Variants in PRKX observed in about 807,000 individuals in gnomAD.
PRKX encodes the protein cAMP-dependent protein kinase catalytic subunit PRKX.
A neutral mutation model predicts 22.0 loss-of-function variants in PRKX; 12 were observed. The ratio of observed to expected loss-of-function variants is 0.54; its 90% confidence interval spans 0.35 to 0.88. PRKX has a LOEUF of 0.88. Among genes scored for constraint, PRKX ranks in the 40% least tolerant of loss-of-function variants. PRKX has a pLI of 0.01. For missense variants in PRKX, 217 were observed against 308.0 expected, an observed-to-expected ratio of 0.70 and a Z score of 2.21; for synonymous variants, 134 against 137.7, an observed-to-expected ratio of 0.97 and a Z score of 0.19.
At chrX:3,637,297 C>T (rs1926912129) in intron 4 of PRKX, among the ~76,000 whole-genome samples, 2 of 111,447 alleles carry the variant, frequency 1.8e-5, no homozygotes, top group Admixed American at 1.9e-4. Flanking sequence ...GTCTCAGAAC[C>T]TCATATGATA....
intron 1 of PRKX, among the ~76,000 whole-genome samples, chrX:3,689,797 G>A (rs917501995): frequency 2.2e-4 from 25 of 111,564 alleles, no homozygotes; most frequent in Non-Finnish European, 4.3e-4. Context: ...CTAACACGGT[G>A]AAACCCTGTC....
At position 3,604,730 on chromosome X, in the gene PRKX, C is replaced by G. The variant is rs1926124775; in HGVS notation, c.*4239G>C. 1 of 112,026 alleles carries G rather than the reference C, an allele frequency of 8.9e-6. No homozygotes were observed. Among genetic ancestry groups the G allele is most frequent in the Non-Finnish European group, 1.9e-5 (1 of 53,248 alleles). The allele number at this position is 112,026 out of a possible 1,213,427, so 9.2% of individuals were successfully genotyped here. Reference sequence around the variant, plus strand: ...TCAGCTACGACAGTTGAGCAGAGCTCAACAGCCATCTCAGAGCACAAGGAC... The same window carrying G: ...TCAGCTACGACAGTTGAGCAGAGCTGAACAGCCATCTCAGAGCACAAGGAC... On this transcript the variant is annotated 3_prime_UTR_variant, in exon 9 of 9. Coordinates refer to ENST00000262848, the MANE Select transcript of PRKX (RefSeq NM_005044.5).
chrX:3,709,173 G>C (rs1338685183), intron 1 of PRKX, among the ~76,000 whole-genome samples: 1 of 73,067 alleles, frequency 1.4e-5, no homozygotes, highest in Non-Finnish European at 2.3e-5. Context: ...AACAGAGTGA[G>C]ACCCTGTCTC....
At chrX:3,620,925 G>A (rs1454446777) in intron 6 of PRKX, among the ~76,000 whole-genome samples, 11 of 111,180 alleles carry the variant, frequency 9.9e-5, no homozygotes, top group East Asian at 8.4e-4. Flanking sequence ...TTCACTCTCC[G>A]TAAAACTGTT....
At chrX:3,678,356 C>A (rs924687719) in intron 1 of PRKX, among the ~76,000 whole-genome samples, 1 of 111,600 alleles carries the variant, frequency 9.0e-6, no homozygotes, top group African/African-American at 3.3e-5. Context: ...TCTCTATCAC[C>A]CACCCCAAGG....
chrX:3,650,352 T>C (rs1324303176), intron 3 of PRKX, among the ~76,000 whole-genome samples: 1 of 105,269 alleles, frequency 9.5e-6, no homozygotes, highest in African/African-American at 3.5e-5. Flanking sequence ...AAACCCCGTC[T>C]CTACTAAAAA....
chrX:3,700,266 G>A (rs1304782367), intron 1 of PRKX, among the ~76,000 whole-genome samples: 2 of 111,526 alleles, frequency 1.8e-5, no homozygotes, highest in Non-Finnish European at 3.8e-5. Flanking sequence ...TAAAACGAGT[G>A]GAAAAAACGA....
chrX:3,689,799 A>G (rs970555292), intron 1 of PRKX, among the ~76,000 whole-genome samples: 1 of 111,477 alleles, frequency 9.0e-6, no homozygotes, highest in Non-Finnish European at 1.9e-5. Context: ...AACACGGTGA[A>G]ACCCTGTCTC....
At chrX:3,704,246 C>T (rs181352123) in intron 1 of PRKX, among the ~76,000 whole-genome samples, 92 of 111,928 alleles carry the variant, frequency 8.2e-4, no homozygotes, top group Admixed American at 1.7e-3. Context: ...CAAGTTTACC[C>T]GCACACACGT....
At chrX:3,706,231 C>A (rs1199264455) in intron 1 of PRKX, among the ~76,000 whole-genome samples, 2 of 110,961 alleles carry the variant, frequency 1.8e-5, no homozygotes, top group Non-Finnish European at 3.8e-5. Context: ...GTTGCCCAGG[C>A]TGGAACACAG....
intron 3 of PRKX, among the ~76,000 whole-genome samples, chrX:3,654,778 GGC>G (rs1398725170): frequency 9.0e-6 from 1 of 110,503 alleles, no homozygotes; most frequent in Non-Finnish European, 1.9e-5. Context: ...CACAGCACCT[GGC>G]ATTTAATTTT....
chrX:3,639,609 G>C (rs1423295173), intron 4 of PRKX, among the ~76,000 whole-genome samples: 7 of 106,732 alleles, frequency 6.6e-5, no homozygotes, highest in Non-Finnish European at 1.2e-4. Context: ...TATAAACATA[G>C]ATAAATAGAC....
intron 2 of PRKX, chrX:3,659,394 AT>A (rs1453508923): frequency 8.9e-6 from 1 of 112,079 alleles, no homozygotes; most frequent in Non-Finnish European, 1.9e-5. Flanking sequence ...GCACTTTTAA[AT>A]TTGCAGATTC....
chrX:3,608,629 T>G lies in PRKX; in HGVS notation c.*340A>C, dbSNP rs1926234199. 9.5e-6 allele frequency: 1 copy of G among 105,095 alleles called. No individual in the cohort carries two copies. Among genetic ancestry groups the G allele is most frequent in the Non-Finnish European group, 1.9e-5 (1 of 51,551 alleles). The allele number at this position is 105,095 out of a possible 1,213,427, so 8.7% of individuals were successfully genotyped here. A position where few individuals can be genotyped will look rare whatever the true frequency, so the allele number is the denominator to read the frequency against. ...CACACACACACACACACACAATTTG[T>G]GGTTATAATCGAACAAGTCCAGTTC... On this transcript the variant is annotated 3_prime_UTR_variant, in exon 9 of 9. Coordinates refer to ENST00000262848, the MANE Select transcript of PRKX (RefSeq NM_005044.5).
intron 6 of PRKX, among the ~76,000 whole-genome samples, chrX:3,619,578 G>A (rs773784365): frequency 4.6e-5 from 5 of 109,689 alleles, no homozygotes; most frequent in East Asian, 2.9e-4. Context: ...AGAAGGCCAC[G>A]TGAAGAAAGA....
intron 3 of PRKX, among the ~76,000 whole-genome samples, chrX:3,644,232 T>C (rs1327783577): frequency 2.6e-5 from 1 of 38,604 alleles, no homozygotes; most frequent in African/African-American, 9.6e-5. Flanking sequence ...ACCACTCCTT[T>C]ACAAAAAAAA....
chrX:3,636,469 T>A (rs944493197), intron 4 of PRKX, among the ~76,000 whole-genome samples: 4 of 112,869 alleles, frequency 3.5e-5, no homozygotes, highest in African/African-American at 1.3e-4. Flanking sequence ...ACAGATGGGC[T>A]GGTCGGACAG....
At chrX:3,672,077 C>A (rs1927857861) in intron 2 of PRKX, among the ~76,000 whole-genome samples, 4 of 110,915 alleles carry the variant, frequency 3.6e-5, no homozygotes, top group Admixed American at 2.9e-4. Flanking sequence ...TGCCTGTAGT[C>A]CCGGCTACTC....
intron 1 of PRKX, among the ~76,000 whole-genome samples, chrX:3,695,414 CTTTTGT>C (rs915517446): frequency 9.0e-5 from 10 of 110,535 alleles, no homozygotes; most frequent in African/African-American, 3.0e-4. Context: ...TTTTGTTTTG[CTTTTGT>C]TTTTGTTTTT....
Sources: allele counts gnomAD v4.1 joint callset (sites outside exome capture counted in the v4.1 genomes callset), GRCh38; gene constraint gnomAD v4.1.1; transcripts MANE v1.5; gene names NCBI Gene and HGNC (gene_info 2026-07-23, HGNC 2026-07-21).